Variants in MRE11 observed in about 807,000 individuals in gnomAD.
MRE11 encodes the protein double-strand break repair protein MRE11.
A neutral mutation model predicts 91.7 loss-of-function variants in MRE11; 62 were observed. The ratio of observed to expected loss-of-function variants is 0.68; its 90% confidence interval spans 0.55 to 0.84. MRE11 has a LOEUF of 0.84. MRE11 is among the 40% of genes least tolerant of loss of function. MRE11 has a pLI of 0.00. For synonymous variants in MRE11, 273 were observed against 271.4 expected, an observed-to-expected ratio of 1.01 and a Z score of -0.06; for missense variants, 796 against 852.9, an observed-to-expected ratio of 0.93 and a Z score of 0.83.
chr11:94,454,905 T>C (rs1295349180), intron 14 of MRE11, among the ~76,000 whole-genome samples: 1 of 152,214 alleles, frequency 6.6e-6, no homozygotes, highest in African/African-American at 2.4e-5. Flanking sequence ...TTCTTGCAAT[T>C]TGGCAAACTA....
rs747986487 is a variant in MRE11 at position 94,459,489 on chromosome 11, T to C, written c.1419A>G (p.Leu473=). Reference sequence around the variant, plus strand: ...GTGTTTTTTCCAACTGGTATTTCACTAATTCCTCAATGGCATCTTTCTCCT... The same window carrying C: ...GTGTTTTTTCCAACTGGTATTTCACCAATTCCTCAATGGCATCTTTCTCCT... The part of the protein sequence containing the change: ...DKEEKDAIEE[L]VKYQLEKTQR... Residue 473 remains leucine, a synonymous_variant, in exon 13 of 20, where the codon TTA becomes TTG. Coordinates refer to ENST00000323929, the MANE Select transcript of MRE11 (RefSeq NM_005591.4). 3 of 1,614,130 alleles carry C rather than the reference T, an allele frequency of 1.9e-6. No individual in the cohort carries two copies. Among genetic ancestry groups the C allele is most frequent in the Non-Finnish European group, 1.7e-6 (2 of 1,179,960 alleles).
At chr11:94,437,747 A>G (rs1162769316) in intron 16 of MRE11, among the ~76,000 whole-genome samples, 1 of 152,236 alleles carries the variant, frequency 6.6e-6, no homozygotes, top group Non-Finnish European at 1.5e-5. Context: ...CTTTGTATCC[A>G]TACCTTTTTT....
intron 19 of MRE11, among the ~76,000 whole-genome samples, chr11:94,422,535 G>A (rs1321365934): frequency 2.0e-5 from 3 of 146,976 alleles, no homozygotes; most frequent in Non-Finnish European, 4.5e-5. Flanking sequence ...TAAGTAAATG[G>A]TAGAAGCTAA....
the MRE11 span, among the ~76,000 whole-genome samples, chr11:94,507,615 G>A: frequency 6.6e-6 from 1 of 152,048 alleles, no homozygotes; most frequent in Non-Finnish European, 1.5e-5. Flanking sequence ...TGCTCCACAC[G>A]CCCATGGCTC....
intron 9 of MRE11, among the ~76,000 whole-genome samples, chr11:94,469,263 G>T (rs761122344): frequency 3.3e-5 from 5 of 152,076 alleles, no homozygotes; most frequent in Non-Finnish European, 7.4e-5. Context: ...ATTTGGCAAG[G>T]TCTGTAAACA....
At chr11:94,471,891 C>A (rs1429162195) in intron 7 of MRE11, 132 bp from the exon 8 acceptor site, 1 of 737,672 alleles carries the variant, frequency 1.4e-6, no homozygotes, top group Non-Finnish European at 2.2e-6. Flanking sequence ...AAAGTGTGCA[C>A]AGGATTGGGA....
intron 16 of MRE11, 113 bp from the exon 17 acceptor site, chr11:94,437,348 G>A (rs1945648802): frequency 2.3e-6 from 2 of 871,402 alleles, no homozygotes; most frequent in East Asian, 2.7e-5. Context: ...ACTGAATGAT[G>A]CCTAATTATA....
At chr11:94,440,644 C>T (rs1350678706) in intron 16 of MRE11, among the ~76,000 whole-genome samples, 1 of 152,144 alleles carries the variant, frequency 6.6e-6, no homozygotes, top group East Asian at 1.9e-4. Context: ...AAAGTGAAAA[C>T]CCCGATGCAT....
At chr11:94,451,658 C>T (rs1214920989) in intron 14 of MRE11, among the ~76,000 whole-genome samples, 1 of 151,974 alleles carries the variant, frequency 6.6e-6, no homozygotes, top group African/African-American at 2.4e-5. Context: ...AAGCTATGTA[C>T]ATAATAATAT....
rs1061956 is a variant in MRE11, at chr11:94,419,683, T to A, written c.*442A>T. On this transcript the variant is annotated 3_prime_UTR_variant, in exon 20 of 20. Coordinates refer to ENST00000323929, the MANE Select transcript of MRE11 (RefSeq NM_005591.4). ...TAATCATTTAGTCTTATAAGAAGCATTGGAAAAAAACATACATAGTAACAA... is the reference window on the plus strand; with the variant it reads ...TAATCATTTAGTCTTATAAGAAGCAATGGAAAAAAACATACATAGTAACAA... 4.2e-6 allele frequency: 1 copy of A among 236,476 alleles called. No individual in the cohort carries two copies. Among genetic ancestry groups the A allele is most frequent in the South Asian group, 1.7e-4 (1 of 5,834 alleles). 14.6% of individuals were successfully genotyped at this position (236,476 alleles called of 1,614,324 possible). A position where few individuals can be genotyped will look rare whatever the true frequency, so the allele number is the denominator to read the frequency against.
chr11:94,487,218 C>T (rs1161879069), intron 3 of MRE11, among the ~76,000 whole-genome samples: 1 of 152,156 alleles, frequency 6.6e-6, no homozygotes, highest in African/African-American at 2.4e-5. Flanking sequence ...CACTACTGTA[C>T]TATACACTTA....
chr11:94,503,972 G>T, the MRE11 span, among the ~76,000 whole-genome samples: 1 of 152,092 alleles, frequency 6.6e-6, no homozygotes, highest in Non-Finnish European at 1.5e-5. Flanking sequence ...TGACAAAGGT[G>T]CCAAGGAATT....
intron 16 of MRE11, among the ~76,000 whole-genome samples, chr11:94,442,242 C>T (rs1385798122): frequency 6.6e-6 from 1 of 152,030 alleles, no homozygotes; most frequent in Non-Finnish European, 1.5e-5. Flanking sequence ...AACAAGAGTA[C>T]CATCTTTAGA....
At chr11:94,502,344 C>G in the MRE11 span, among the ~76,000 whole-genome samples, 1 of 152,178 alleles carries the variant, frequency 6.6e-6, no homozygotes, top group Non-Finnish European at 1.5e-5. Context: ...AGTGTATCTT[C>G]TTAAGTTCCC....
chr11:94,498,580 T>A, upstream of MRE11: 1 of 1,465,932 alleles, frequency 6.8e-7, no homozygotes, highest in Non-Finnish European at 9.3e-7. Context: ...GCCTCCTGTG[T>A]GTGAGATGTA....
intron 17 of MRE11, among the ~76,000 whole-genome samples, chr11:94,436,623 G>A (rs1945623578): frequency 6.6e-6 from 1 of 152,142 alleles, no homozygotes; most frequent in Non-Finnish European, 1.5e-5. Context: ...GAAGAGTATT[G>A]GCTCGGGAGT....
intron 16 of MRE11, among the ~76,000 whole-genome samples, chr11:94,444,139 G>A (rs1343159307): frequency 6.6e-6 from 1 of 151,874 alleles, no homozygotes; most frequent in Non-Finnish European, 1.5e-5. Flanking sequence ...GATCTCCTGA[G>A]CTCAGGCAAT....
chr11:94,481,114 G>C (rs1320207462), intron 4 of MRE11, among the ~76,000 whole-genome samples: 1 of 152,092 alleles, frequency 6.6e-6, no homozygotes, highest in Non-Finnish European at 1.5e-5. Flanking sequence ...TTCGAGATGA[G>C]CCTGGCCAAC....
chr11:94,422,411 G>A (rs10831227), intron 19 of MRE11, among the ~76,000 whole-genome samples: 41,549 of 151,792 alleles, frequency 0.27, 6,384 homozygotes, highest in Non-Finnish European at 0.34. Context: ...ACCACCATGC[G>A]CCACCCTCTA....
Sources: gnomAD v4.1 joint callset for allele counts (sites outside exome capture counted in the v4.1 genomes callset) on GRCh38, gnomAD v4.1.1 for gene constraint, MANE v1.5 for transcripts, NCBI Gene and HGNC (gene_info 2026-07-23, HGNC 2026-07-21) for gene names.